The following GNL2 variants were observed in gnomAD, a reference collection of about 807,000 sequenced individuals.
GNL2 encodes nucleolar GTP-binding protein 2.
In GNL2, 51 loss-of-function variants were observed where a neutral mutation model predicts 92.3. That is an observed-to-expected ratio of 0.55 (90% CI 0.44 to 0.70). The LOEUF is 0.70. Ranked by LOEUF, GNL2 falls within the 30% of genes least tolerant of loss-of-function variation. GNL2 has a pLI of 0.00. For synonymous variants in GNL2, 283 were observed against 300.6 expected (o/e 0.94, Z 0.61); for missense variants, 844 against 895.6 (o/e 0.94, Z 0.74).
At position 37,587,756 on chromosome 1, in the gene GNL2, G is replaced by T. The variant is rs185329634; in HGVS notation, c.385-261C>A. Among the ~76,000 whole-genome samples, 399 of 152,258 alleles carry T rather than the reference G, an allele frequency of 2.6e-3. 5 individuals are homozygous for T. Among genetic ancestry groups the T allele is most frequent in the Non-Finnish European group, 2.8e-3 (193 of 68,012 alleles). ...TAATACAAATAATCAAAGTAAATAT[G>T]AATAGTTGTACAAAAACTTGCCAAA... On this transcript the variant is annotated intron_variant, in intron 4 of 15. Transcript: ENST00000373062.
Position 37,567,154 on chromosome 1 carries a change from G to C in GNL2, c.2044-147C>G, listed in dbSNP as rs547572000. The stretch of plus-strand genomic sequence containing the variant: ...CTGGAAGCAGTGCTAATGAGGGAGG[G>C]CTCCCCCGTAGACCTAAGGTTACTC... On this transcript the variant is annotated intron_variant, in intron 15 of 15. Transcript: ENST00000373062. 8.9e-6 allele frequency: 7 copies of C among 787,616 alleles called. No individual in the cohort carries two copies. In the East Asian group the frequency reaches 1.9e-4, roughly 21 times the overall value. 48.8% of individuals were successfully genotyped at this position (787,616 alleles called of 1,614,324 possible).
intron 1 of GNL2, among the ~76,000 whole-genome samples, chr1:37,595,122 T>A (rs10908361): frequency 0.74 from 112,845 of 152,210 alleles, 44,333 homozygotes; most frequent in East Asian, 0.96. Context: ...AACATTCAAC[T>A]TGCATTAAAA....
intron 15 of GNL2, among the ~76,000 whole-genome samples, chr1:37,567,423 T>C (rs1442816529): frequency 2.6e-5 from 4 of 152,120 alleles, no homozygotes; most frequent in Non-Finnish European, 5.9e-5. Flanking sequence ...CCCTTGGGAC[T>C]AGAAACTGAC....
intron 12 of GNL2, among the ~76,000 whole-genome samples, chr1:37,572,681 C>T (rs538051387): frequency 2.6e-4 from 39 of 152,266 alleles, no homozygotes; most frequent in African/African-American, 9.1e-4. Flanking sequence ...GAGTTTCATC[C>T]TTTATCATAA....
Position 37,574,544 on chromosome 1 carries a change from C to T in GNL2, c.1303-88G>A, listed in dbSNP as rs1050946261. On this transcript the variant is annotated intron_variant, in intron 11 of 15. Coordinates refer to ENST00000373062, the MANE Select transcript of GNL2 (RefSeq NM_013285.3). ...GGGTATTTCAGTTGTCCCAGGGGTT[C>T]ATCATCACTTAAGTGACAAGTTTCA... 3.4e-5 allele frequency: 47 copies of T among 1,391,564 alleles called. No homozygotes were observed. In the African/African-American group the frequency reaches 6.1e-4, roughly 18 times the overall value. The allele number at this position is 1,391,564 out of a possible 1,614,324, so 86.2% of individuals were successfully genotyped here.
intron 4 of GNL2, 88 bp downstream of exon 4, chr1:37,590,618 A>C: frequency 9.1e-7 from 1 of 1,099,150 alleles, no homozygotes; most frequent in Non-Finnish European, 1.4e-6. Context: ...CTATTTTCTA[A>C]GGAAAAACAA....
In GNL2 at chr1:37,587,486, C is replaced by A. The variant is rs759384976; in HGVS notation, c.394G>T (p.Val132Leu). ...AAACTTTCAGTATCAAGAATGTGCA[C>A]CTTCAAGTTCTGAAGAGAAAGGAGA... Reference protein sequence around the residue: ...HDRIRPHNLKVHILDTESFET... With the variant: ...HDRIRPHNLKLHILDTESFET... The change falls in exon 5 of 16, where the codon GTG (valine) becomes TTG (leucine). Residue 132 changes from valine (V) to leucine (L), a missense_variant. Val to Leu is a conservative substitution (Grantham distance 32). Coordinates refer to ENST00000373062, the MANE Select transcript of GNL2 (RefSeq NM_013285.3). 5.6e-6 allele frequency: 9 copies of A among 1,606,754 alleles called. No homozygotes were observed. In the South Asian group the frequency reaches 8.9e-5, roughly 16 times the overall value.
chr1:37,583,801 G>T, intron 6 of GNL2, 66 bp downstream of exon 6: 1 of 935,978 alleles, frequency 1.1e-6, no homozygotes, highest in Non-Finnish European at 1.8e-6. Context: ...ATCAAAATTA[G>T]TTTTCTTCTA....
At chr1:37,590,913 G>A in intron 3 of GNL2, 68 bp from the exon 4 acceptor site, 3 of 1,278,146 alleles carry the variant, frequency 2.3e-6, no homozygotes, top group Non-Finnish European at 3.3e-6. Context: ...CTGACACGGT[G>A]AAAGGCAAGA....
At chr1:37,588,741 T>C (rs929732298) in intron 4 of GNL2, among the ~76,000 whole-genome samples, 3 of 152,276 alleles carry the variant, frequency 2.0e-5, no homozygotes, top group Admixed American at 1.3e-4. Context: ...AGAAATACAG[T>C]AGTTCTAAAA....
Position 37,576,409 on chromosome 1 carries a change from C to CA in GNL2, c.1038+18dup, listed in dbSNP as rs770008051. ...AAAAGAAAATATGCAAAAGTAAGGT[C>CA]ACCCTGCGCCCAACGTACCTTTGTT... On this transcript the variant is annotated intron_variant, in intron 9 of 15. Coordinates refer to ENST00000373062, the MANE Select transcript of GNL2 (RefSeq NM_013285.3). 1.1e-4 allele frequency: 180 copies of CA among 1,607,448 alleles called. No homozygotes were observed. Among genetic ancestry groups the CA allele is most frequent in the Non-Finnish European group, 1.4e-4 (168 of 1,176,788 alleles).
intron 9 of GNL2, 50 bp downstream of exon 9, chr1:37,576,374 ACTCT>A: frequency 6.5e-7 from 1 of 1,526,726 alleles, no homozygotes. Flanking sequence ...CTAAACAATC[ACTCT>A]CTATGAAAAG....
chr1:37,594,934 A>G (rs1315752184), intron 1 of GNL2, among the ~76,000 whole-genome samples: 14 of 152,246 alleles, frequency 9.2e-5, no homozygotes, highest in Non-Finnish European at 2.1e-4. Flanking sequence ...AGTCTCTAAC[A>G]GTAGAAACTG....
Position 37,575,560 on chromosome 1 carries a change from C to T in GNL2, c.1143+35G>A, listed in dbSNP as rs555322578. 2 of 1,303,678 alleles carry T rather than the reference C, an allele frequency of 1.5e-6. No homozygotes were observed. Among genetic ancestry groups the T allele is most frequent in the Admixed American group, 2.3e-5 (1 of 43,036 alleles). The allele number at this position is 1,303,678 out of a possible 1,614,324, so 80.8% of individuals were successfully genotyped here. Reference sequence around the variant, plus strand: ...GGGTTCCCTATAGAACACTCCCCCGCAAACACAAACAGCCTATCAGGGCCA... The same window carrying T: ...GGGTTCCCTATAGAACACTCCCCCGTAAACACAAACAGCCTATCAGGGCCA... On this transcript the variant is annotated intron_variant, in intron 10 of 15. Coordinates refer to ENST00000373062, the MANE Select transcript of GNL2 (RefSeq NM_013285.3). The surrounding 1 kb of genome is among the most constrained non-coding windows in gnomAD (Gnocchi z 4.1).
Position 37,582,931 on chromosome 1 carries a change from T to C in GNL2, c.642A>G (p.Ile214Met). 1 of 1,609,524 alleles carries C rather than the reference T, an allele frequency of 6.2e-7. No individual in the cohort carries two copies. Among genetic ancestry groups the C allele is most frequent in the Non-Finnish European group, 8.5e-7 (1 of 1,177,608 alleles). The part of the protein sequence containing the change: ...KRIWGELYKV[I>M]DSSDVVVQVL... ...CTTGAACTACAACATCTGATGAATC[T>C]ATCACCTGAAAATTCAGAAAGGCAA... The change falls in exon 7 of 16, where the codon ATA (isoleucine) becomes ATG (methionine). Residue 214 changes from isoleucine (I) to methionine (M), a missense_variant. Physicochemically the swap from Ile to Met is conservative, Grantham distance 10. Transcript: ENST00000373062.
chr1:37,590,868 TGC>T, intron 3 of GNL2, 23 bp from the exon 4 acceptor site: 1 of 1,530,792 alleles, frequency 6.5e-7, no homozygotes, highest in Non-Finnish European at 8.8e-7. Context: ...TAAAGAATGT[TGC>T]CACTTAGTTA....
Position 37,583,939 on chromosome 1 carries a change from T to G in GNL2, c.570-6A>C. On this transcript the variant is annotated splice_region_variant and splice_polypyrimidine_tract_variant and intron_variant, in intron 5 of 15. Transcript: ENST00000373062. ...TCTCTTCTTGAGCTTCATTTCTAAA[T>G]AAGAAAGCACCCCAAATGAGCAACT... 3 of 1,533,440 alleles carry G rather than the reference T, an allele frequency of 2.0e-6. No individual in the cohort carries two copies. Among genetic ancestry groups the G allele is most frequent in the Non-Finnish European group, 2.7e-6 (3 of 1,105,874 alleles). The allele number at this position is 1,533,440 out of a possible 1,614,324, so 95.0% of individuals were successfully genotyped here.
chr1:37,581,431 A>G lies in GNL2; in HGVS notation c.909+792T>C, dbSNP rs1168796573. 7 of 455,920 alleles carry G rather than the reference A, an allele frequency of 1.5e-5. No homozygotes were observed. The Admixed American group carries it at 1.6e-4, about 11-fold the overall frequency. 28.2% of individuals were successfully genotyped at this position (455,920 alleles called of 1,614,324 possible). ...GTCTGACCAGGGATCTGAAGCTTGA[A>G]TTTTGGCAGGGCCCTCTCCAACCAG... On this transcript the variant is annotated intron_variant, in intron 8 of 15. Coordinates refer to ENST00000373062, the MANE Select transcript of GNL2 (RefSeq NM_013285.3).
intron 5 of GNL2, among the ~76,000 whole-genome samples, chr1:37,586,083 G>A (rs1643846519): frequency 6.6e-6 from 1 of 152,060 alleles, no homozygotes; most frequent in Non-Finnish European, 1.5e-5. Flanking sequence ...ACTATACACA[G>A]TATAAATGTC....
Sources: gnomAD v4.1 joint callset for allele counts (sites outside exome capture counted in the v4.1 genomes callset) on GRCh38, gnomAD v4.1.1 for gene constraint, Gnocchi (gnomAD v3.1) non-coding constraint, MANE v1.5 for transcripts, NCBI Gene and HGNC (gene_info 2026-07-23, HGNC 2026-07-21) for gene names.